Variants in GPC6 observed in about 807,000 individuals in gnomAD.
GPC6 encodes the protein glypican 6.
Under a neutral mutation model 55.2 loss-of-function variants are expected in GPC6, and 14 were observed. The observed-to-expected ratio is 0.25, with a 90% CI of 0.17 to 0.40. The LOEUF (loss-of-function observed/expected upper bound fraction) is 0.40. Among genes scored for constraint, GPC6 ranks in the 10% least tolerant of loss-of-function variants. The pLI, the probability that GPC6 is intolerant of heterozygous loss-of-function variation, is 1.00. For missense variants in GPC6, 641 were observed against 708.5 expected, an observed-to-expected ratio of 0.90 and a Z score of 1.08; for synonymous variants, 278 against 259.6, an observed-to-expected ratio of 1.07 and a Z score of -0.68.
intron 4 of GPC6, among the ~76,000 whole-genome samples, chr13:94,234,819 A>G (rs1470092032): frequency 6.6e-6 from 1 of 152,172 alleles, no homozygotes; most frequent in African/African-American, 2.4e-5. Context: ...CACAACATAG[A>G]TAAATCTTGA....
intron 3 of GPC6, among the ~76,000 whole-genome samples, chr13:93,895,898 G>T (rs1004135859): frequency 2.0e-5 from 3 of 151,998 alleles, no homozygotes; most frequent in Non-Finnish European, 4.4e-5. Flanking sequence ...AGTGGAGATG[G>T]GGGAATACAG....
chr13:94,232,986 CTTTTTTTT>C (rs67718119), intron 4 of GPC6, among the ~76,000 whole-genome samples: 2 of 80,634 alleles, frequency 2.5e-5, no homozygotes, highest in African/African-American at 5.4e-5. Flanking sequence ...GGTTTTATAA[CTTTTTTTT>C]TTTTTTTTTT....
chr13:93,980,146 A>G (rs1880728206), intron 3 of GPC6, among the ~76,000 whole-genome samples: 1 of 152,138 alleles, frequency 6.6e-6, no homozygotes, highest in Non-Finnish European at 1.5e-5. Context: ...TCCACCATAC[A>G]GTCAGCTTGT....
chr13:94,333,960 T>G (rs1410182637), intron 6 of GPC6, among the ~76,000 whole-genome samples: 1 of 152,094 alleles, frequency 6.6e-6, no homozygotes, highest in East Asian at 1.9e-4. Flanking sequence ...GAAAGGTCAT[T>G]TTAAAAAAAT....
intron 1 of GPC6, among the ~76,000 whole-genome samples, chr13:93,441,514 T>A (rs1245280610): frequency 6.6e-6 from 1 of 152,236 alleles, no homozygotes; most frequent in Non-Finnish European, 1.5e-5. Flanking sequence ...TCTGTTCATA[T>A]CCTTCACCTA....
At chr13:93,453,238 A>G (rs1878295425) in intron 1 of GPC6, among the ~76,000 whole-genome samples, 1 of 152,196 alleles carries the variant, frequency 6.6e-6, no homozygotes, top group African/African-American at 2.4e-5. Flanking sequence ...CTCTAATTCT[A>G]AAATCCTTCC....
chr13:93,762,633 C>T (rs1298897265), intron 2 of GPC6, among the ~76,000 whole-genome samples: 1 of 152,134 alleles, frequency 6.6e-6, no homozygotes, highest in Non-Finnish European at 1.5e-5. Context: ...AAAGGTTATG[C>T]TTGACTTGGC....
At chr13:94,367,668 A>C (rs1879342740) in intron 6 of GPC6, among the ~76,000 whole-genome samples, 1 of 152,212 alleles carries the variant, frequency 6.6e-6, no homozygotes, top group Non-Finnish European at 1.5e-5. Flanking sequence ...AAGAAACTCC[A>C]AGCCTAAAAC....
chr13:94,347,852 G>A (rs1043445763), intron 6 of GPC6, among the ~76,000 whole-genome samples: 119 of 152,234 alleles, frequency 7.8e-4, no homozygotes, highest in African/African-American at 2.8e-3. Context: ...GTTTGGGATA[G>A]TTTGGGTGAA....
intron 4 of GPC6, among the ~76,000 whole-genome samples, chr13:94,249,801 G>T (rs1305052278): frequency 6.6e-6 from 1 of 152,106 alleles, no homozygotes; most frequent in Non-Finnish European, 1.5e-5. Flanking sequence ...CAAGCTTGAT[G>T]GCCCAATGAT....
chr13:93,382,122 A>C (rs1875201587), intron 1 of GPC6, among the ~76,000 whole-genome samples: 1 of 152,126 alleles, frequency 6.6e-6, no homozygotes, highest in African/African-American at 2.4e-5. Context: ...ATCATCAGGT[A>C]GTTCTTCCAA....
rs147969119 is a variant in GPC6 at position 93,340,985 on chromosome 13, G to A, written c.160+113369G>A. Among the ~76,000 whole-genome samples the A allele has an allele frequency of 1.4e-4, 21 of 151,944 alleles. No homozygotes were observed. The East Asian group carries it at 2.3e-3, about 17-fold the overall frequency. ...CTTTGCAACCTCATACCTTAGCTCC[G>A]ACTTATGAGAACATTCAATATTTGG... On this transcript the variant is annotated intron_variant, in intron 1 of 8. Transcript: ENST00000377047.
chr13:93,573,839 T>C (rs1566430598), intron 2 of GPC6, among the ~76,000 whole-genome samples: 2 of 152,180 alleles, frequency 1.3e-5, no homozygotes, highest in Non-Finnish European at 2.9e-5. Context: ...TTCTTCCCTT[T>C]CTCTGCTCAT....
intron 1 of GPC6, among the ~76,000 whole-genome samples, chr13:93,280,079 C>T (rs907373028): frequency 1.4e-4 from 21 of 152,116 alleles, no homozygotes; most frequent in Admixed American, 6.5e-4. Flanking sequence ...TGCAGGTATT[C>T]TGTACTTCAC....
rs1881343889 is a variant in GPC6, at chr13:94,405,811, G to T, written c.*2594G>T. 6.6e-6 allele frequency: 1 copy of T among 152,016 alleles called. No homozygotes were observed. The highest frequency in any genetic ancestry group is 2.4e-5 in the African/African-American group (1 of 41,392). 9.4% of individuals were successfully genotyped at this position (152,016 alleles called of 1,614,324 possible). The stretch of plus-strand genomic sequence containing the variant: ...CAGTGTTAGCACCCTGCATGGATGT[G>T]GTCAAAATATCATTCAAGTTGTACT... On this transcript the variant is annotated 3_prime_UTR_variant, in exon 9 of 9. Coordinates refer to ENST00000377047, the MANE Select transcript of GPC6 (RefSeq NM_005708.5).
At chr13:93,970,982 G>A (rs529080647) in intron 3 of GPC6, among the ~76,000 whole-genome samples, 20 of 152,110 alleles carry the variant, frequency 1.3e-4, no homozygotes, top group Non-Finnish European at 2.1e-4. Flanking sequence ...AGAATAAGTC[G>A]TGTAATTTCA....
chr13:94,078,681 C>T (rs371460696), intron 4 of GPC6, among the ~76,000 whole-genome samples: 9 of 151,842 alleles, frequency 5.9e-5, no homozygotes, highest in Admixed American at 2.6e-4. Context: ...TACAACCTAC[C>T]GACACTGAAA....
chr13:94,226,312 G>A (rs866790277), intron 4 of GPC6, among the ~76,000 whole-genome samples: 5 of 152,090 alleles, frequency 3.3e-5, no homozygotes, highest in African/African-American at 9.7e-5. Flanking sequence ...ATTGGTCAGC[G>A]GGCCCAGAGT....
chr13:93,603,680 A>G (rs1030529261), intron 2 of GPC6, among the ~76,000 whole-genome samples: 8 of 152,224 alleles, frequency 5.3e-5, no homozygotes, highest in Non-Finnish European at 7.3e-5. Flanking sequence ...TATCCCATTA[A>G]TTTCATGACT....
Sources: gnomAD v4.1 joint callset for allele counts (sites outside exome capture counted in the v4.1 genomes callset) on GRCh38, gnomAD v4.1.1 for gene constraint, MANE v1.5 for transcripts, NCBI Gene and HGNC (gene_info 2026-07-23, HGNC 2026-07-21) for gene names.